Variants in THADA observed in about 807,000 individuals in gnomAD.
THADA encodes THADA armadillo repeat containing, also known as tRNA (32-2'-O)-methyltransferase regulator THADA.
In THADA, 213 loss-of-function variants were observed where a neutral mutation model predicts 219.8. The ratio of observed to expected loss-of-function variants is 0.97; its 90% CI spans 0.87 to 1.09. The LOEUF (loss-of-function observed/expected upper bound fraction) is 1.09. Ranked by LOEUF, THADA falls within the 50% of genes least tolerant of loss-of-function variation. The pLI is 0.00. For missense variants in THADA, 2,956 were observed against 2,311.3 expected (o/e 1.28, Z -5.72); for synonymous variants, 1,018 against 828.9 (o/e 1.23, Z -3.92).
chr2:43,556,516 C>A lies in THADA; in HGVS notation c.2503G>T (p.Glu835Ter). The A allele has an allele frequency of 6.2e-7, 1 of 1,613,748 alleles. No homozygotes were observed. The highest frequency in any genetic ancestry group is 8.5e-7 in the Non-Finnish European group (1 of 1,179,788). The part of the protein sequence containing the change: ...KLQGLFQAAL[E>*]LSTSTKPYDC... ...TATGGTTTGGTGCTTGTGCTGAGCT[C>A]CAATGCTGCCTGAAATAAGCCTTGC... The change falls in exon 17 of 38, where the codon GAG becomes TAG. Residue 835 changes from glutamate to a stop codon, truncating the protein, a stop_gained. Transcript: ENST00000405975. LOFTEE classifies it high-confidence loss of function.
chr2:43,330,431 C>A (rs527248626), intron 30 of THADA, among the ~76,000 whole-genome samples: 1 of 152,336 alleles, frequency 6.6e-6, no homozygotes, highest in East Asian at 1.9e-4. Context: ...GTAAGACCAG[C>A]TCATGCTGCC....
At chr2:43,381,686 T>C (rs1293015851) in intron 29 of THADA, among the ~76,000 whole-genome samples, 3 of 151,986 alleles carry the variant, frequency 2.0e-5, no homozygotes, top group South Asian at 4.2e-4. Flanking sequence ...ATTCAAGCGA[T>C]TCTTCTGTCA....
chr2:43,540,070 G>C (rs1046042330), intron 21 of THADA, among the ~76,000 whole-genome samples: 3 of 152,154 alleles, frequency 2.0e-5, no homozygotes, highest in Non-Finnish European at 4.4e-5. Context: ...AAGGCCTCTA[G>C]CACATGTTTA....
intron 7 of THADA, among the ~76,000 whole-genome samples, chr2:43,585,577 T>TAGAA (rs755218548): frequency 0.097 from 13,122 of 134,814 alleles, 656 homozygotes; most frequent in South Asian, 0.12. Context: ...GATAGATAGA[T>TAGAA]AGAAAGAAAT....
chr2:43,578,585 C>T lies in THADA; in HGVS notation c.744G>A (p.Gln248=). Residue 248 remains glutamine, a synonymous_variant, in exon 9 of 38, where the codon CAG becomes CAA. Coordinates refer to ENST00000405975, the MANE Select transcript of THADA (RefSeq NM_022065.5). ...GAATAATAGCTAATCCAGATGTGCT[C>T]TGTACAGTCTGTAACAGATCATCTA... ...LSDDDLLQTV[Q]STSGLAIILF... 2 of 1,611,450 alleles carry T rather than the reference C, an allele frequency of 1.2e-6. No homozygotes were observed. Among genetic ancestry groups the T allele is most frequent in the Non-Finnish European group, 1.7e-6 (2 of 1,178,174 alleles).
intron 29 of THADA, among the ~76,000 whole-genome samples, chr2:43,360,409 T>C (rs1241158299): frequency 6.6e-6 from 1 of 152,160 alleles, no homozygotes; most frequent in East Asian, 1.9e-4. Flanking sequence ...TGCTTGCAAA[T>C]GGTTTGGCAT....
At chr2:43,322,107 C>T (rs2163228) in intron 30 of THADA, among the ~76,000 whole-genome samples, 26,658 of 151,690 alleles carry the variant, frequency 0.18, 2,630 homozygotes, top group South Asian at 0.25. Context: ...ATGATCTCGG[C>T]TTACTGCAAC....
chr2:43,384,879 C>T (rs1020894782), intron 29 of THADA, among the ~76,000 whole-genome samples: 1 of 152,164 alleles, frequency 6.6e-6, no homozygotes, highest in East Asian at 1.9e-4. Context: ...GTGGCTCACG[C>T]CTGTAATTCC....
intron 36 of THADA, among the ~76,000 whole-genome samples, chr2:43,259,258 T>C (rs1207368682): frequency 1.3e-5 from 2 of 152,182 alleles, no homozygotes; most frequent in African/African-American, 4.8e-5. Flanking sequence ...GAAAAGGCTG[T>C]CTTGGGGCTG....
intron 29 of THADA, among the ~76,000 whole-genome samples, chr2:43,358,293 A>G (rs1276210668): frequency 6.6e-6 from 1 of 152,226 alleles, no homozygotes; most frequent in East Asian, 1.9e-4. Flanking sequence ...AAATTCACAT[A>G]CTAATTATTG....
chr2:43,438,185 C>G (rs988778855), intron 26 of THADA, among the ~76,000 whole-genome samples: 1 of 151,358 alleles, frequency 6.6e-6, no homozygotes, highest in African/African-American at 2.4e-5. Flanking sequence ...GCCTGTAGTC[C>G]CAGCTACTCG....
Position 43,528,057 on chromosome 2 carries a change from C to T in THADA, c.3265-69G>A, listed in dbSNP as rs947614607. On this transcript the variant is annotated intron_variant, in intron 21 of 37. Coordinates refer to ENST00000405975, the MANE Select transcript of THADA (RefSeq NM_022065.5). ...TTCGCAAGTGTATTTATATCAGTAA[C>T]ACTGTTTAGAACCCAGGTCTAGGGG... The T allele has an allele frequency of 7.8e-5, 88 of 1,125,812 alleles. No homozygotes were observed. In the African/African-American group the frequency reaches 1.2e-3, roughly 16 times the overall value. The allele number at this position is 1,125,812 out of a possible 1,614,324, so 69.7% of individuals were successfully genotyped here. A position where few individuals can be genotyped will look rare whatever the true frequency, so the allele number is the denominator to read the frequency against.
At chr2:43,440,240 C>T (rs1680678878) in intron 26 of THADA, among the ~76,000 whole-genome samples, 1 of 151,892 alleles carries the variant, frequency 6.6e-6, no homozygotes, top group South Asian at 2.1e-4. Flanking sequence ...TTCACCTAAT[C>T]TGCAAAATTA....
At chr2:43,560,196 A>C (rs781241698) in intron 16 of THADA, 38 bp downstream of exon 16, 2 of 1,562,950 alleles carry the variant, frequency 1.3e-6, no homozygotes, top group Non-Finnish European at 8.7e-7. Context: ...GAAAGTTTCC[A>C]TGCATATACC....
chr2:43,450,555 T>A (rs1682184530), intron 26 of THADA, among the ~76,000 whole-genome samples: 2 of 149,280 alleles, frequency 1.3e-5, no homozygotes, highest in Non-Finnish European at 3.0e-5. Flanking sequence ...CAGCAAAAAA[T>A]AAACTAAACA....
chr2:43,517,658 C>T (rs968943004), intron 22 of THADA, among the ~76,000 whole-genome samples: 1 of 152,148 alleles, frequency 6.6e-6, no homozygotes, highest in African/African-American at 2.4e-5. Flanking sequence ...GTCCCCTCCC[C>T]GCTTCCATGC....
intron 28 of THADA, among the ~76,000 whole-genome samples, chr2:43,400,898 A>G (rs555331485): frequency 6.6e-6 from 1 of 152,270 alleles, no homozygotes; most frequent in Admixed American, 6.5e-5. Flanking sequence ...GTAAGACAAC[A>G]TGTTGATAAT....
At chr2:43,429,161 G>A (rs1263265443) in intron 27 of THADA, among the ~76,000 whole-genome samples, 1 of 149,964 alleles carries the variant, frequency 6.7e-6, no homozygotes, top group African/African-American at 2.4e-5. Context: ...AAGCTGGAGT[G>A]CAGTGGCAAG....
At position 43,594,321 on chromosome 2, in the gene THADA, T is replaced by C. The variant is rs190541439; in HGVS notation, c.-25+1610A>G. Among the ~76,000 whole-genome samples, 459 of 152,304 alleles carry C rather than the reference T, an allele frequency of 3.0e-3. 3 individuals are homozygous for C. Among genetic ancestry groups the C allele is most frequent in the African/African-American group, 0.011 (443 of 41,588 alleles). ...GAGGCCAGGAGTGGGGGCTCGTGCC[T>C]GTAATCCCAGCACTTTGGGAGGCCG... On this transcript the variant is annotated intron_variant, in intron 1 of 37. Transcript: ENST00000405975.
Sources: gnomAD v4.1 joint callset for allele counts (sites outside exome capture counted in the v4.1 genomes callset) on GRCh38, gnomAD v4.1.1 for gene constraint, MANE v1.5 for transcripts, NCBI Gene and HGNC (gene_info 2026-07-23, HGNC 2026-07-21) for gene names.